CPM: variants seen among roughly 807,000 people sequenced by gnomAD.
CPM encodes carboxypeptidase M, also known as renal carboxypeptidase.
CPM carries 35 observed loss-of-function variants against 46.4 expected under a neutral mutation model. The ratio of observed to expected loss-of-function variants is 0.75; its 90% CI spans 0.58 to 1.00. CPM has a LOEUF of 1.00. Among genes scored for constraint, CPM ranks in the 50% least tolerant of loss-of-function variants. The probability of loss-of-function intolerance (pLI) is 0.00; values close to 1 mark genes in which losing one functional copy is unlikely to be tolerated. For synonymous variants in CPM, 195 were observed against 195.3 expected, an observed-to-expected ratio of 1.00 and a Z score of 0.01; for missense variants, 422 against 530.4, an observed-to-expected ratio of 0.80 and a Z score of 2.01.
At position 68,853,109 on chromosome 12, in the gene CPM, T is replaced by TAAC. The variant is rs1425478115; in HGVS notation, c.*3325_*3327dup. 6.6e-6 allele frequency: 1 copy of TAAC among 152,180 alleles called. No individual in the cohort carries two copies. Among genetic ancestry groups the TAAC allele is most frequent in the African/African-American group, 2.4e-5 (1 of 41,436 alleles). The allele number at this position is 152,180 out of a possible 1,614,324, so 9.4% of individuals were successfully genotyped here. On this transcript the variant is annotated 3_prime_UTR_variant, in exon 9 of 9. Coordinates refer to ENST00000551568, the MANE Select transcript of CPM (RefSeq NM_198320.5). ...TTTAAATGATTTTGAGTCTGATAGA[T>TAAC]AACTAAATTCTGATTTTAAAAACTA... is the stretch of plus-strand genomic sequence containing the variant.
At chr12:68,956,961 A>T (rs1427253929) in intron 1 of CPM, among the ~76,000 whole-genome samples, 2 of 152,142 alleles carry the variant, frequency 1.3e-5, no homozygotes, top group Non-Finnish European at 2.9e-5. Context: ...TCCTCTCACA[A>T]GTCCTATGAA....
chr12:68,920,237 A>G (rs4913300), intron 2 of CPM, among the ~76,000 whole-genome samples: 8,474 of 152,244 alleles, frequency 0.056, 525 homozygotes, highest in African/African-American at 0.15. Flanking sequence ...TCTTTTCTTT[A>G]TAAATTACCC....
intron 3 of CPM, among the ~76,000 whole-genome samples, chr12:68,884,259 G>C (rs923447950): frequency 1.3e-5 from 2 of 152,074 alleles, no homozygotes; most frequent in Non-Finnish European, 2.9e-5. Context: ...CAGACTCCTT[G>C]CAACGTAGTC....
At chr12:68,957,082 GA>G (rs989112069) in intron 1 of CPM, among the ~76,000 whole-genome samples, 13 of 152,202 alleles carry the variant, frequency 8.5e-5, no homozygotes, top group Non-Finnish European at 1.5e-4. Flanking sequence ...AGGAAGGGTA[GA>G]CATCATCTTA....
chr12:68,870,767 A>G (rs1885659651), intron 4 of CPM, among the ~76,000 whole-genome samples: 1 of 152,250 alleles, frequency 6.6e-6, no homozygotes, highest in Non-Finnish European at 1.5e-5. Flanking sequence ...CAGAAAGACC[A>G]GAGCTGAGCC....
At chr12:68,869,034 A>G (rs1885577305) in intron 6 of CPM, among the ~76,000 whole-genome samples, 1 of 151,950 alleles carries the variant, frequency 6.6e-6, no homozygotes, top group South Asian at 2.1e-4. Context: ...CCCCTATTCA[A>G]CTCCAGGGTG....
At chr12:68,920,110 T>C (rs1013635373) in intron 2 of CPM, among the ~76,000 whole-genome samples, 3 of 152,226 alleles carry the variant, frequency 2.0e-5, no homozygotes, top group Non-Finnish European at 4.4e-5. Context: ...CCATGTGACG[T>C]GCCTGGTCCT....
At chr12:68,873,786 C>T (rs944866926) in intron 3 of CPM, among the ~76,000 whole-genome samples, 4 of 151,566 alleles carry the variant, frequency 2.6e-5, no homozygotes, top group African/African-American at 9.7e-5. Flanking sequence ...TTTTTTCCTA[C>T]TCATTTTTTA....
chr12:68,844,067 A>G (rs1031644569), intron 5 of CPM: 4 of 205,834 alleles, frequency 1.9e-5, no homozygotes, highest in Non-Finnish European at 4.0e-5. Context: ...AGTGACAGCT[A>G]TTTTTACAAA....
intron 1 of CPM, among the ~76,000 whole-genome samples, chr12:68,946,426 C>A (rs1379751572): frequency 6.6e-6 from 1 of 152,070 alleles, no homozygotes; most frequent in Non-Finnish European, 1.5e-5. Flanking sequence ...TTAAAAGCAT[C>A]TTGAGCCCAG....
chr12:68,961,509 C>T (rs923128924), intron 1 of CPM, among the ~76,000 whole-genome samples: 1 of 152,122 alleles, frequency 6.6e-6, no homozygotes. Context: ...CCAGGTTGAC[C>T]TTGAACTCCT....
intron 2 of CPM, among the ~76,000 whole-genome samples, chr12:68,917,482 G>A (rs1456649176): frequency 1.3e-5 from 2 of 152,102 alleles, no homozygotes; most frequent in African/African-American, 4.8e-5. Context: ...TAACTTTATG[G>A]CTCTCAGTTT....
exon 6 of CPM, chr12:68,842,306 C>T (rs1321537777): frequency 2.0e-6 from 1 of 495,960 alleles, no homozygotes; most frequent in East Asian, 4.7e-5. Flanking sequence ...CATCTTGACC[C>T]CTGTTGCAGG....
chr12:68,866,096 G>A (rs189635222), intron 7 of CPM, among the ~76,000 whole-genome samples: 149 of 152,244 alleles, frequency 9.8e-4, no homozygotes, highest in African/African-American at 2.9e-3. Flanking sequence ...GGCAGAGTTC[G>A]GAGGTGAGAG....
chr12:68,962,657 T>G (rs1340656965), intron 1 of CPM, among the ~76,000 whole-genome samples: 1 of 152,194 alleles, frequency 6.6e-6, no homozygotes, highest in East Asian at 1.9e-4. Flanking sequence ...GCTCAGGCCA[T>G]GATGGGAAGG....
At position 68,859,057 on chromosome 12, in the gene CPM, C is replaced by A; in HGVS notation, c.955G>T (p.Val319Phe). ...KQVHLGVKGQVFDQNGNPLPN... is the reference protein window; with the variant it reads ...KQVHLGVKGQFFDQNGNPLPN... Reference sequence around the variant, plus strand: ...AATGGATTTCCATTCTGATCAAAAACTTGACCCTTTACACCTGCAAGACAA... The same window carrying A: ...AATGGATTTCCATTCTGATCAAAAAATTGACCCTTTACACCTGCAAGACAA... The change falls in exon 8 of 9, where the codon GTT (valine) becomes TTT (phenylalanine). Residue 319 changes from valine (V) to phenylalanine (F), a missense_variant. Val to Phe is a conservative substitution (Grantham distance 50). Transcript: ENST00000551568. 6.6e-7 allele frequency: 1 copy of A among 1,523,258 alleles called. No individual in the cohort carries two copies. Among genetic ancestry groups the A allele is most frequent in the Middle Eastern group, 2.0e-4 (1 of 4,972 alleles). 94.4% of individuals were successfully genotyped at this position (1,523,258 alleles called of 1,614,324 possible). A position where few individuals can be genotyped will look rare whatever the true frequency, so the allele number is the denominator to read the frequency against.
intron 5 of CPM, chr12:68,842,884 T>A: frequency 4.8e-6 from 1 of 206,852 alleles, no homozygotes; most frequent in South Asian, 1.9e-4. Flanking sequence ...TATGCTGGAC[T>A]GTTTTGATCT....
chr12:68,890,090 G>A (rs140086502), intron 2 of CPM, among the ~76,000 whole-genome samples: 84 of 152,194 alleles, frequency 5.5e-4, no homozygotes, highest in African/African-American at 1.9e-3. Context: ...TTCTGTTGGC[G>A]CGCTCTCAGG....
chr12:68,933,543 AC>A (rs1888605513), upstream of CPM, among the ~76,000 whole-genome samples: 1 of 151,650 alleles, frequency 6.6e-6, no homozygotes, highest in African/African-American at 2.4e-5. Context: ...CGCTTGGGAG[AC>A]GTTTAGGGCT....
Sources: allele counts gnomAD v4.1 joint callset (sites outside exome capture counted in the v4.1 genomes callset), GRCh38; gene constraint gnomAD v4.1.1; transcripts MANE v1.5; gene names NCBI Gene and HGNC (gene_info 2026-07-23, HGNC 2026-07-21).